The following USP43 variants were observed in gnomAD, a reference collection of about 807,000 sequenced individuals.
USP43 encodes the protein ubiquitin carboxyl-terminal hydrolase 43.
Under a neutral mutation model 90.7 loss-of-function variants are expected in USP43, and 33 were observed. That is an observed-to-expected ratio of 0.36 (90% CI 0.28 to 0.49). USP43 has a LOEUF of 0.49. Among genes scored for constraint, USP43 ranks in the 20% least tolerant of loss-of-function variants. The probability of loss-of-function intolerance (pLI) is 0.98; values close to 1 mark genes in which losing one functional copy is unlikely to be tolerated. For missense variants in USP43, 1,274 were observed against 1,476.4 expected (o/e 0.86, Z 2.25); for synonymous variants, 598 against 615.8 (o/e 0.97, Z 0.43).
intron 3 of USP43, among the ~76,000 whole-genome samples, chr17:9,667,807 C>T (rs143577886): frequency 2.2e-3 from 339 of 152,114 alleles, no homozygotes; most frequent in African/African-American, 7.8e-3. Flanking sequence ...TGCACGTGTG[C>T]GCGTGTCTGT....
chr17:9,662,307 G>A (rs550138159), intron 2 of USP43, among the ~76,000 whole-genome samples: 46 of 152,232 alleles, frequency 3.0e-4, no homozygotes, highest in African/African-American at 7.2e-4. Flanking sequence ...GCTAGGGTCC[G>A]CTATGCATCC....
intron 1 of USP43, among the ~76,000 whole-genome samples, chr17:9,650,313 A>G (rs543892080): frequency 2.6e-5 from 4 of 152,320 alleles, no homozygotes; most frequent in African/African-American, 7.2e-5. Flanking sequence ...ATACAGTGAA[A>G]TGTACCCATT....
In USP43 at chr17:9,656,545, C is replaced by T. The variant is rs111611490; in HGVS notation, c.636+11C>T. 2.3e-3 allele frequency: 3,762 copies of T among 1,607,936 alleles called. 67 individuals are homozygous for T. In the African/African-American group the frequency reaches 0.045, roughly 19 times the overall value. ...CCGGTGTCGGAGAAGGTCGGTCACT[C>T]TCAAAACAACACAATGTACTGGGTT... is the stretch of plus-strand genomic sequence containing the variant. On this transcript the variant is annotated intron_variant, in intron 2 of 14. Coordinates refer to ENST00000285199, the MANE Select transcript of USP43 (RefSeq NM_153210.5).
rs771735616 is a variant in USP43, at chr17:9,728,190, G to A, written c.2572G>A (p.Gly858Ser). ...SIVSLLTGTA[G>S]EDEKSASPRS... ...TGTGTCGCTGTTGACGGGCACTGCGGGTGAGGATGAGAAGTCAGCATCGCC... is the reference window on the plus strand; with the variant it reads ...TGTGTCGCTGTTGACGGGCACTGCGAGTGAGGATGAGAAGTCAGCATCGCC... Residue 858 changes from glycine (G) to serine (S), a missense_variant, in exon 15 of 15, where the codon GGT (glycine) becomes AGT (serine). Physicochemically the swap from Gly to Ser is moderately conservative, Grantham distance 56. Around this residue, in one of 6 missense-constraint regions of USP43, gnomAD observed 285 missense variants for 349.6 expected, o/e 0.82. Coordinates refer to ENST00000285199, the MANE Select transcript of USP43 (RefSeq NM_153210.5). The surrounding 1 kb of genome is among the most constrained non-coding windows in gnomAD (Gnocchi z 6.2). 6.2e-7 allele frequency: 1 copy of A among 1,613,986 alleles called. No homozygotes were observed. The highest frequency in any genetic ancestry group is 1.1e-5 in the South Asian group (1 of 91,072).
chr17:9,716,863 C>A (rs767994655), intron 14 of USP43, among the ~76,000 whole-genome samples: 1 of 152,272 alleles, frequency 6.6e-6, no homozygotes, highest in South Asian at 2.1e-4. Flanking sequence ...GAGCCAGGTG[C>A]GGTGGCACAT....
At chr17:9,716,650 G>C (rs1916587584) in intron 14 of USP43, among the ~76,000 whole-genome samples, 2 of 152,164 alleles carry the variant, frequency 1.3e-5, no homozygotes, top group Non-Finnish European at 2.9e-5. Context: ...GCTGGAATCT[G>C]TTGTGGAGGC....
At chr17:9,654,411 A>C (rs111768940) in intron 1 of USP43, among the ~76,000 whole-genome samples, 1 of 152,098 alleles carries the variant, frequency 6.6e-6, no homozygotes, top group African/African-American at 2.4e-5. Context: ...CACTTGGGGA[A>C]GCCGAGGCGG....
chr17:9,680,917 G>A (rs1353350982), intron 6 of USP43, among the ~76,000 whole-genome samples: 1 of 149,390 alleles, frequency 6.7e-6, no homozygotes, highest in African/African-American at 2.5e-5. Flanking sequence ...GGCTAACATG[G>A]TCAATTTCTA....
intron 14 of USP43, among the ~76,000 whole-genome samples, chr17:9,722,335 T>C (rs889531283): frequency 6.6e-6 from 1 of 152,098 alleles, no homozygotes; most frequent in African/African-American, 2.4e-5. Context: ...TTTGAGTTAG[T>C]TTTAAGTGGT....
At chr17:9,656,367 C>A in intron 1 of USP43, 36 bp from the exon 2 acceptor site, 1 of 1,599,020 alleles carries the variant, frequency 6.3e-7, no homozygotes, top group Admixed American at 1.7e-5. Context: ...GTATAAGGGG[C>A]CAAATTCACC....
Position 9,686,876 on chromosome 17 carries a change from C to T in USP43, c.1320C>T (p.Val440=). ...AQLQQSILSK[V]RHLMKSEAPV... ...TCCAGCAGTCTATCCTCAGCAAGGT[C>T]CGCCATCTTATGAAGAGTGAGGCCC... The change falls in exon 8 of 15, where the codon GTC becomes GTT. Residue 440 remains valine (V), a synonymous_variant. Coordinates refer to ENST00000285199, the MANE Select transcript of USP43 (RefSeq NM_153210.5). This position sits in a 1 kb window ranked among gnomAD's most constrained non-coding sequence, Gnocchi z 5.5. The T allele has an allele frequency of 6.2e-7, 1 of 1,613,774 alleles. No homozygotes were observed. Among genetic ancestry groups the T allele is most frequent in the Non-Finnish European group, 8.5e-7 (1 of 1,179,858 alleles).
chr17:9,710,696 C>T (rs976961030), intron 13 of USP43, among the ~76,000 whole-genome samples: 4 of 151,802 alleles, frequency 2.6e-5, no homozygotes, highest in African/African-American at 4.8e-5. Context: ...TTAGCAGAGA[C>T]GGGGTTTCAC....
Position 9,728,803 on chromosome 17 carries a change from A to T in USP43, c.3185A>T (p.Asp1062Val), listed in dbSNP as rs746174230. The change falls in exon 15 of 15, where the codon GAT becomes GTT. Residue 1062 changes from aspartate to valine, a missense_variant. By Grantham distance (152) the Asp-to-Val change is radical. Around this residue, in one of 6 missense-constraint regions of USP43, gnomAD observed 353 missense variants for 329.7 expected, o/e 1.07. Transcript: ENST00000285199. The surrounding 1 kb of genome is among the most constrained non-coding windows in gnomAD (Gnocchi z 6.2). Reference sequence around the variant, plus strand: ...GGCCTGGGCAGCCGGCTCGAGAGGGATGTCTGGTCAGCCCCCAGCTCTCTC... The same window carrying T: ...GGCCTGGGCAGCCGGCTCGAGAGGGTTGTCTGGTCAGCCCCCAGCTCTCTC... ...ARGLGSRLER[D>V]VWSAPSSLRL... 1 of 1,612,348 alleles carries T rather than the reference A, an allele frequency of 6.2e-7. No homozygotes were observed. The highest frequency in any genetic ancestry group is 8.5e-7 in the Non-Finnish European group (1 of 1,179,194).
chr17:9,695,165 A>G (rs1915183306), intron 9 of USP43, among the ~76,000 whole-genome samples: 1 of 151,118 alleles, frequency 6.6e-6, no homozygotes, highest in South Asian at 2.1e-4. Flanking sequence ...CCACCCCACA[A>G]TCCCAGTCCC....
At chr17:9,658,664 G>A (rs1170589903) in intron 2 of USP43, among the ~76,000 whole-genome samples, 5 of 152,114 alleles carry the variant, frequency 3.3e-5, no homozygotes, top group East Asian at 3.8e-4. Context: ...ATGATTTCCT[G>A]TTTATCTTAT....
intron 2 of USP43, among the ~76,000 whole-genome samples, chr17:9,663,939 T>C (rs1256326142): frequency 2.0e-5 from 3 of 152,192 alleles, no homozygotes; most frequent in African/African-American, 7.2e-5. Flanking sequence ...TTGGACATTC[T>C]TGACCCTGGT....
At chr17:9,723,419 C>T (rs954342853) in intron 14 of USP43, among the ~76,000 whole-genome samples, 1 of 151,626 alleles carries the variant, frequency 6.6e-6, no homozygotes, top group African/African-American at 2.4e-5. Flanking sequence ...CTGCTTTTGA[C>T]GTTTTTGTGA....
At chr17:9,726,755 C>T (rs1917294165) in intron 14 of USP43, among the ~76,000 whole-genome samples, 2 of 152,160 alleles carry the variant, frequency 1.3e-5, no homozygotes, top group African/African-American at 4.8e-5. Context: ...GATGAAGTGG[C>T]ACAGTGAGAG....
chr17:9,714,709 C>A (rs1916399677), intron 14 of USP43, among the ~76,000 whole-genome samples: 1 of 149,440 alleles, frequency 6.7e-6, no homozygotes, highest in Non-Finnish European at 1.5e-5. Context: ...AAATGAAGAC[C>A]CGAGACCAAA....
Sources: allele counts gnomAD v4.1 joint callset (sites outside exome capture counted in the v4.1 genomes callset), GRCh38; gene constraint gnomAD v4.1.1; regional missense constraint gnomAD v4.1.1; non-coding constraint Gnocchi (gnomAD v3.1); transcripts MANE v1.5; gene names NCBI Gene and HGNC (gene_info 2026-07-23, HGNC 2026-07-21).